Variants in UNC13C observed in about 807,000 individuals in gnomAD.
UNC13C encodes the protein unc-13 homolog C.
UNC13C carries 174 observed loss-of-function variants against 245.4 expected under a neutral mutation model. That is an observed-to-expected ratio of 0.71 (90% CI 0.63 to 0.80). The LOEUF (loss-of-function observed/expected upper bound fraction) is 0.80, where lower values mean the gene tolerates loss of function less well. UNC13C is among the 30% of genes least tolerant of loss of function. The pLI, the probability that UNC13C is intolerant of heterozygous loss-of-function variation, is 0.00. For missense variants in UNC13C, 2,829 were observed against 2,602.9 expected (o/e 1.09, Z -1.89); for synonymous variants, 992 against 895.1 (o/e 1.11, Z -1.93).
chr15:54,340,585 C>T (rs891442526), intron 17 of UNC13C, among the ~76,000 whole-genome samples: 1 of 152,128 alleles, frequency 6.6e-6, no homozygotes, highest in African/African-American at 2.4e-5. Context: ...TGTTAAAGAT[C>T]AGTTGGCTGT....
At chr15:54,321,451 C>A (rs907437533) in intron 13 of UNC13C, 114 of 490,516 alleles carry the variant, frequency 2.3e-4, no homozygotes, top group Non-Finnish European at 4.1e-4. Flanking sequence ...TCTGCCTTTG[C>A]GGCCTTGCGT....
chr15:54,305,217 T>A (rs985216247), intron 13 of UNC13C, among the ~76,000 whole-genome samples: 2 of 152,138 alleles, frequency 1.3e-5, no homozygotes, highest in Non-Finnish European at 2.9e-5. Flanking sequence ...AGTGTGTTTC[T>A]AGATGCCAGA....
chr15:54,321,958 T>C lies in UNC13C; in HGVS notation c.4288T>C (p.Ser1430Pro). The C allele has an allele frequency of 6.3e-7, 1 of 1,578,380 alleles. No homozygotes were observed. The highest frequency in any genetic ancestry group is 8.6e-7 in the Non-Finnish European group (1 of 1,161,044). Residue 1430 changes from serine to proline, a missense_variant, in exon 14 of 33, where the codon TCT becomes CCT. Transcript: ENST00000260323. ...QAMTHFSCLS[S>P]KYMCPGVPAV... ...TTTCAGGCACTTTTCATGTCTGTCT[T>C]CTAAATACATGTGCCCCGGTGTCCC...
At chr15:54,129,106 A>G (rs931786208) in intron 2 of UNC13C, among the ~76,000 whole-genome samples, 2 of 152,224 alleles carry the variant, frequency 1.3e-5, no homozygotes, top group Non-Finnish European at 2.9e-5. Context: ...TATTTTACAT[A>G]TAATGACCAG....
chr15:54,147,827 C>T (rs1031063778), intron 4 of UNC13C, among the ~76,000 whole-genome samples: 1 of 75,920 alleles, frequency 1.3e-5, no homozygotes, highest in African/African-American at 3.8e-5. Context: ...TGTGTCTATT[C>T]TCTAAGCACC....
At chr15:53,988,670 A>T (rs1020543723) in intron 1 of UNC13C, among the ~76,000 whole-genome samples, 3 of 151,944 alleles carry the variant, frequency 2.0e-5, no homozygotes, top group African/African-American at 2.4e-5. Context: ...AGAACAGAGA[A>T]AAGTATAGTA....
At chr15:53,888,825 A>C in the UNC13C span, among the ~76,000 whole-genome samples, 1 of 151,818 alleles carries the variant, frequency 6.6e-6, no homozygotes, top group South Asian at 2.1e-4. Context: ...CCCATTGCTT[A>C]TTTGTGTCAG....
chr15:53,939,754 A>G, the UNC13C span, among the ~76,000 whole-genome samples: 1 of 152,206 alleles, frequency 6.6e-6, no homozygotes, highest in Non-Finnish European at 1.5e-5. Context: ...TTAGCTCAAT[A>G]GATGCAGAAA....
chr15:54,433,955 C>T (rs1357840576), intron 19 of UNC13C, among the ~76,000 whole-genome samples: 1 of 151,984 alleles, frequency 6.6e-6, no homozygotes, highest in Non-Finnish European at 1.5e-5. Flanking sequence ...AGTAGAGAGC[C>T]AAGTCATGAG....
intron 21 of UNC13C, 51 bp from the exon 22 acceptor site, chr15:54,500,784 A>G (rs1476559506): frequency 6.5e-7 from 1 of 1,536,708 alleles, no homozygotes; most frequent in African/African-American, 1.4e-5. Context: ...AGATTTTTCC[A>G]TTCCGCCTCT....
At chr15:54,498,939 A>G (rs1168208269) in intron 20 of UNC13C, among the ~76,000 whole-genome samples, 1 of 152,186 alleles carries the variant, frequency 6.6e-6, no homozygotes, top group Non-Finnish European at 1.5e-5. Context: ...AAGGCAATCT[A>G]CAAACTGGAG....
At chr15:54,079,995 T>G (rs1745816724) in intron 2 of UNC13C, among the ~76,000 whole-genome samples, 1 of 121,726 alleles carries the variant, frequency 8.2e-6, no homozygotes, top group Non-Finnish European at 1.8e-5. Flanking sequence ...CAAGGCCTGG[T>G]TTGTCGAGCG....
chr15:54,238,418 G>A (rs984159361), intron 7 of UNC13C, among the ~76,000 whole-genome samples: 1 of 152,016 alleles, frequency 6.6e-6, no homozygotes, highest in African/African-American at 2.4e-5. Flanking sequence ...ATATGATTAC[G>A]AGTGAAGTTG....
At chr15:54,398,083 A>G (rs776530261) in intron 18 of UNC13C, among the ~76,000 whole-genome samples, 4 of 151,380 alleles carry the variant, frequency 2.6e-5, no homozygotes, top group Non-Finnish European at 5.9e-5. Flanking sequence ...CATGTTAACT[A>G]ACTGTTTTTC....
the UNC13C span, among the ~76,000 whole-genome samples, chr15:53,848,910 AT>A: frequency 6.6e-6 from 1 of 151,900 alleles, no homozygotes; most frequent in South Asian, 2.1e-4. Flanking sequence ...TCATTGCAGT[AT>A]TTCTTGTTAT....
intron 2 of UNC13C, among the ~76,000 whole-genome samples, chr15:54,052,475 C>T (rs566643249): frequency 6.6e-6 from 1 of 151,892 alleles, no homozygotes; most frequent in African/African-American, 2.4e-5. Flanking sequence ...GAGATGGTAT[C>T]TCATTGTGGT....
chr15:54,538,126 T>A (rs1896066486), intron 26 of UNC13C, among the ~76,000 whole-genome samples: 1 of 13,120 alleles, frequency 7.6e-5, no homozygotes, highest in Non-Finnish European at 1.4e-4. Flanking sequence ...TTAAATACAT[T>A]AACAAGCAAA....
At chr15:54,066,018 T>C (rs185988848) in intron 2 of UNC13C, among the ~76,000 whole-genome samples, 80 of 152,348 alleles carry the variant, frequency 5.3e-4, no homozygotes, top group African/African-American at 1.8e-3. Context: ...CTATGCAAAA[T>C]TCTGAAGATC....
At chr15:53,958,213 A>C in the UNC13C span, among the ~76,000 whole-genome samples, 6 of 152,244 alleles carry the variant, frequency 3.9e-5, no homozygotes, top group African/African-American at 1.4e-4. Flanking sequence ...AATGAGGGCA[A>C]ATTTCTAAAA....
Sources: gnomAD v4.1 joint callset for allele counts (sites outside exome capture counted in the v4.1 genomes callset) on GRCh38, gnomAD v4.1.1 for gene constraint, MANE v1.5 for transcripts, NCBI Gene and HGNC (gene_info 2026-07-23, HGNC 2026-07-21) for gene names.